Variants in EDC3 observed in about 807,000 individuals in gnomAD.
The protein encoded by EDC3 is enhancer of mRNA-decapping protein 3.
In EDC3, 20 loss-of-function variants were observed where a neutral mutation model predicts 41.8. That is an observed-to-expected ratio of 0.48 (90% CI 0.34 to 0.70). EDC3 has a LOEUF of 0.70. Ranked by LOEUF, EDC3 falls within the 30% of genes least tolerant of loss-of-function variation. The probability of loss-of-function intolerance (pLI) is 0.01; values close to 1 mark genes in which losing one functional copy is unlikely to be tolerated. For synonymous variants in EDC3, 206 were observed against 243.2 expected (o/e 0.85, Z 1.42); for missense variants, 444 against 636.8 (o/e 0.70, Z 3.26).
chr15:74,648,348 C>T (rs1320567636), intron 4 of EDC3, among the ~76,000 whole-genome samples: 6 of 152,296 alleles, frequency 3.9e-5, no homozygotes, highest in Admixed American at 3.3e-4. Context: ...AAGGCAGCTA[C>T]GGCTCAGAGG....
chr15:74,673,491 G>A lies in EDC3; in HGVS notation c.164+1470C>T, dbSNP rs550104282. 5.8e-4 allele frequency among the ~76,000 whole-genome samples: 89 copies of A among 152,242 alleles called. 1 individual carries two copies. The highest frequency in any genetic ancestry group is 2.0e-3 in the African/African-American group (85 of 41,538). On this transcript the variant is annotated intron_variant, in intron 2 of 6. Transcript: ENST00000315127. The stretch of plus-strand genomic sequence containing the variant: ...TAAGATATCTTGTGGGATGTCCAAT[G>A]GAAATGACCAGCAGACAAGGTGTCT...
chr15:74,673,750 G>A (rs1459037226), intron 2 of EDC3, among the ~76,000 whole-genome samples: 1 of 150,932 alleles, frequency 6.6e-6, no homozygotes, highest in Admixed American at 6.6e-5. Flanking sequence ...TGAGGCAGGA[G>A]AATGGCATGA....
chr15:74,657,417 A>C (rs185987785), intron 3 of EDC3, among the ~76,000 whole-genome samples: 27 of 152,346 alleles, frequency 1.8e-4, no homozygotes, highest in African/African-American at 6.5e-4. Context: ...ACTGAAACAG[A>C]CAGCCAGGTT....
At chr15:74,660,318 C>T (rs986941884) in intron 3 of EDC3, among the ~76,000 whole-genome samples, 11 of 151,742 alleles carry the variant, frequency 7.2e-5, no homozygotes, top group Admixed American at 2.0e-4. Context: ...GTAGGAGAAT[C>T]GCTGGAACCC....
chr15:74,640,885 A>G, intron 4 of EDC3: 1 of 461,260 alleles, frequency 2.2e-6, no homozygotes, highest in Non-Finnish European at 3.9e-6. Flanking sequence ...TAGACCACAA[A>G]GGCCAAATCT....
intron 3 of EDC3, among the ~76,000 whole-genome samples, chr15:74,668,067 T>C (rs1386943610): frequency 6.6e-6 from 1 of 152,230 alleles, no homozygotes; most frequent in Non-Finnish European, 1.5e-5. Context: ...ACCTCTGTTG[T>C]CTTCCACCCC....
chr15:74,651,116 C>T (rs1001483452), intron 4 of EDC3, among the ~76,000 whole-genome samples: 1 of 152,208 alleles, frequency 6.6e-6, no homozygotes, highest in Non-Finnish European at 1.5e-5. Context: ...GAGTTCTCAC[C>T]ACTGAACACA....
intron 6 of EDC3, among the ~76,000 whole-genome samples, chr15:74,634,396 C>T (rs896950289): frequency 2.0e-5 from 3 of 152,200 alleles, no homozygotes; most frequent in African/African-American, 4.8e-5. Flanking sequence ...TATCTACTCT[C>T]TTCCTATGTG....
At position 74,671,955 on chromosome 15, in the gene EDC3, T is replaced by C. The variant is rs1179426770; in HGVS notation, c.165-181A>G. Among the ~76,000 whole-genome samples the C allele has an allele frequency of 6.6e-6, 1 of 152,028 alleles. No homozygotes were observed. Among genetic ancestry groups the C allele is most frequent in the East Asian group, 1.9e-4 (1 of 5,186 alleles). On this transcript the variant is annotated intron_variant, in intron 2 of 6. Transcript: ENST00000315127. The surrounding 1 kb of genome is among the most constrained non-coding windows in gnomAD (Gnocchi z 4.6). ...GCCACCAACTATCCAACTGACACAATGCTAGCCTTTAAAAAGAGGCTATTG... is the reference window on the plus strand; with the variant it reads ...GCCACCAACTATCCAACTGACACAACGCTAGCCTTTAAAAAGAGGCTATTG...
At chr15:74,658,855 G>T (rs1359174340) in intron 3 of EDC3, among the ~76,000 whole-genome samples, 1 of 152,080 alleles carries the variant, frequency 6.6e-6, no homozygotes, top group African/African-American at 2.4e-5. Context: ...CAGGAGAATT[G>T]CTTGAACCCA....
At chr15:74,658,668 C>T (rs942543253) in intron 3 of EDC3, among the ~76,000 whole-genome samples, 4 of 141,852 alleles carry the variant, frequency 2.8e-5, no homozygotes, top group Non-Finnish European at 6.0e-5. Context: ...AGGCCAGGCG[C>T]GGGGGCTCAT....
At chr15:74,672,912 G>C (rs2062755896) in intron 2 of EDC3, among the ~76,000 whole-genome samples, 1 of 152,060 alleles carries the variant, frequency 6.6e-6, no homozygotes, top group Non-Finnish European at 1.5e-5. Context: ...AGTCAGTCTG[G>C]TGGAGATGAA....
intron 4 of EDC3, 21 bp downstream of exon 4, chr15:74,655,712 G>T: frequency 6.3e-7 from 1 of 1,584,946 alleles, no homozygotes; most frequent in African/African-American, 1.3e-5. Context: ...CCAGCAGGAT[G>T]TGGGACCTGA....
chr15:74,659,918 ACATGTAGTCC>A (rs2062601315), intron 3 of EDC3, among the ~76,000 whole-genome samples: 1 of 151,908 alleles, frequency 6.6e-6, no homozygotes, highest in African/African-American at 2.4e-5. Context: ...GGTGGCGCGC[ACATGTAGTCC>A]CAGCTACTTG....
rs1201242584 is a variant in EDC3, at chr15:74,632,474, G to GT, written c.*137dup. ...AGAGCAAGTGACAGGTCAGTTTTAA[G>GT]TAAGTTCTGTTCTCTCACAGAAGAA... On this transcript the variant is annotated 3_prime_UTR_variant, in exon 7 of 7. Coordinates refer to ENST00000315127, the MANE Select transcript of EDC3 (RefSeq NM_025083.5). This position sits in a 1 kb window ranked among gnomAD's most constrained non-coding sequence, Gnocchi z 4.0. The GT allele has an allele frequency of 3.8e-6, 4 of 1,057,352 alleles. No homozygotes were observed. Among genetic ancestry groups the GT allele is most frequent in the Non-Finnish European group, 5.4e-6 (4 of 744,760 alleles). The allele number at this position is 1,057,352 out of a possible 1,614,324, so 65.5% of individuals were successfully genotyped here. A position where few individuals can be genotyped will look rare whatever the true frequency, so the allele number is the denominator to read the frequency against.
intron 4 of EDC3, among the ~76,000 whole-genome samples, chr15:74,653,685 G>A (rs557781415): frequency 6.6e-6 from 1 of 152,284 alleles, no homozygotes; most frequent in East Asian, 1.9e-4. Flanking sequence ...CTAAGGACCA[G>A]CACATGTGGT....
At chr15:74,669,351 A>G (rs1401601075) in intron 3 of EDC3, among the ~76,000 whole-genome samples, 1 of 151,424 alleles carries the variant, frequency 6.6e-6, no homozygotes, top group Non-Finnish European at 1.5e-5. Flanking sequence ...CTCAAAAAAA[A>G]AAAAAAAAAA....
chr15:74,632,362 G>A lies in EDC3; in HGVS notation c.*250C>T, dbSNP rs1395082783. The A allele has an allele frequency of 2.0e-5, 11 of 554,134 alleles. No individual in the cohort carries two copies. The highest frequency in any genetic ancestry group is 3.6e-5 in the Non-Finnish European group (11 of 309,604). 34.3% of individuals were successfully genotyped at this position (554,134 alleles called of 1,614,324 possible). On this transcript the variant is annotated 3_prime_UTR_variant, in exon 7 of 7. Coordinates refer to ENST00000315127, the MANE Select transcript of EDC3 (RefSeq NM_025083.5). This position sits in a 1 kb window ranked among gnomAD's most constrained non-coding sequence, Gnocchi z 4.0. ...AAACAAAGGCCCACCTGGCCGTGCA[G>A]GGGGCTGAGGGTAGAGATGCCTGGA...
intron 4 of EDC3, among the ~76,000 whole-genome samples, chr15:74,655,409 C>A (rs1249950317): frequency 6.6e-6 from 1 of 152,066 alleles, no homozygotes; most frequent in Non-Finnish European, 1.5e-5. Context: ...AATAGAGAAG[C>A]CAAAGTGAAA....
Sources: gnomAD v4.1 joint callset for allele counts (sites outside exome capture counted in the v4.1 genomes callset) on GRCh38, gnomAD v4.1.1 for gene constraint, Gnocchi (gnomAD v3.1) non-coding constraint, MANE v1.5 for transcripts, NCBI Gene and HGNC (gene_info 2026-07-23, HGNC 2026-07-21) for gene names.